CDK14: variants seen among roughly 807,000 people sequenced by gnomAD.
CDK14 encodes cyclin dependent kinase 14, also known as cyclin-dependent kinase 14.
Under a neutral mutation model 60.7 loss-of-function variants are expected in CDK14, and 34 were observed. The ratio of observed to expected loss-of-function variants is 0.56; its 90% CI spans 0.43 to 0.75. CDK14 has a LOEUF of 0.75. CDK14 is among the 30% of genes least tolerant of loss of function. The pLI is 0.00. For missense variants in CDK14, 482 were observed against 564.1 expected, an observed-to-expected ratio of 0.85 and a Z score of 1.47; for synonymous variants, 197 against 203.7, an observed-to-expected ratio of 0.97 and a Z score of 0.28.
intron 5 of CDK14, among the ~76,000 whole-genome samples, chr7:90,836,304 T>C (rs1790097257): frequency 6.6e-6 from 1 of 152,198 alleles, no homozygotes; most frequent in South Asian, 2.1e-4. Flanking sequence ...ACAAAAAATA[T>C]CTTTTTTCTT....
chr7:90,797,775 T>C (rs1377611374), intron 5 of CDK14, among the ~76,000 whole-genome samples: 2 of 151,816 alleles, frequency 1.3e-5, no homozygotes, highest in East Asian at 1.9e-4. Context: ...GGAGGTCCTA[T>C]ACACTCTTAA....
intron 8 of CDK14, among the ~76,000 whole-genome samples, chr7:90,951,841 G>A (rs1794272711): frequency 6.6e-6 from 1 of 152,112 alleles, no homozygotes; most frequent in African/African-American, 2.4e-5. Context: ...AGGACATCTA[G>A]CACCTATGCC....
At chr7:91,129,033 C>T in intron 14 of CDK14, among the ~76,000 whole-genome samples, 1 of 152,036 alleles carries the variant, frequency 6.6e-6, no homozygotes, top group Non-Finnish European at 1.5e-5. Context: ...CAGAGAAGGT[C>T]CCTGGATACT....
chr7:91,184,154 G>A lies in CDK14; in HGVS notation c.*29-23011G>A, dbSNP rs1010201217. Among the ~76,000 whole-genome samples the A allele has an allele frequency of 1.7e-4, 22 of 130,702 alleles. 1 individual carries two copies. Among genetic ancestry groups the A allele is most frequent in the Admixed American group, 7.3e-4 (8 of 10,984 alleles). The allele number at this position is 130,702 out of a possible 152,430, so 85.7% of individuals were successfully genotyped here. A position where few individuals can be genotyped will look rare whatever the true frequency, so the allele number is the denominator to read the frequency against. On this transcript the variant is annotated intron_variant, in intron 14 of 14. Transcript: ENST00000380050. ...CAGGTGGCAGAGGTTGCAGTGAGCC[G>A]AGATTGCACCACTGCACTCCAGCCT... is the stretch of plus-strand genomic sequence containing the variant.
At chr7:90,670,485 G>A (rs1801073947) in intron 2 of CDK14, among the ~76,000 whole-genome samples, 1 of 152,166 alleles carries the variant, frequency 6.6e-6, no homozygotes, top group Non-Finnish European at 1.5e-5. Flanking sequence ...ATGAGACTGA[G>A]TCATTTATAA....
At chr7:90,652,484 A>G (rs758244403) in intron 2 of CDK14, among the ~76,000 whole-genome samples, 3 of 152,192 alleles carry the variant, frequency 2.0e-5, no homozygotes, top group Non-Finnish European at 2.9e-5. Flanking sequence ...ACAGCTCTAT[A>G]TCAGGTAGGT....
intron 10 of CDK14, among the ~76,000 whole-genome samples, chr7:91,035,072 T>C (rs546454526): frequency 6.6e-5 from 10 of 152,084 alleles, no homozygotes; most frequent in Admixed American, 2.0e-4. Flanking sequence ...CTGTAGAAAG[T>C]GGGGAAGGAA....
rs114580067 is a variant in CDK14 at position 90,736,890 on chromosome 7, T to C, written c.369+10078T>C. 8.1e-3 allele frequency among the ~76,000 whole-genome samples: 1,227 copies of C among 152,298 alleles called. 24 individuals carry two copies. The highest frequency in any genetic ancestry group is 0.028 in the African/African-American group (1,178 of 41,574). Reference sequence around the variant, plus strand: ...TTGACTGAAATCAAGGAACCAAGAATGCCTTGACCTCAGTGGCCATCATGC... The same window carrying C: ...TTGACTGAAATCAAGGAACCAAGAACGCCTTGACCTCAGTGGCCATCATGC... On this transcript the variant is annotated intron_variant, in intron 3 of 14. Coordinates refer to ENST00000380050, the MANE Select transcript of CDK14 (RefSeq NM_001287135.2).
intron 2 of CDK14, among the ~76,000 whole-genome samples, chr7:90,618,526 AG>A (rs1799698850): frequency 6.6e-6 from 1 of 152,112 alleles, no homozygotes. Flanking sequence ...TGCTGGGTCC[AG>A]TGAATGAACT....
chr7:91,163,385 G>A (rs1346297695), intron 14 of CDK14, among the ~76,000 whole-genome samples: 1 of 152,236 alleles, frequency 6.6e-6, no homozygotes, highest in Non-Finnish European at 1.5e-5. Flanking sequence ...TGCAATGTAA[G>A]CGTTCCTAAC....
At chr7:90,977,630 T>C (rs970089280) in intron 9 of CDK14, among the ~76,000 whole-genome samples, 6 of 152,140 alleles carry the variant, frequency 3.9e-5, no homozygotes, top group Non-Finnish European at 5.9e-5. Flanking sequence ...CTCATGATGT[T>C]AACCTTTGTC....
At chr7:91,179,834 A>T (rs1209043722) in intron 14 of CDK14, among the ~76,000 whole-genome samples, 2 of 152,112 alleles carry the variant, frequency 1.3e-5, no homozygotes, top group Admixed American at 1.3e-4. Flanking sequence ...TATTTTTAAT[A>T]ATTATTTTCG....
At chr7:91,131,781 G>A (rs1800126099) in intron 14 of CDK14, among the ~76,000 whole-genome samples, 1 of 152,086 alleles carries the variant, frequency 6.6e-6, no homozygotes, top group Admixed American at 6.6e-5. Context: ...CTTCAGTATT[G>A]AAGTCACCTG....
chr7:91,154,190 G>A (rs1455911256), intron 14 of CDK14, among the ~76,000 whole-genome samples: 3 of 151,214 alleles, frequency 2.0e-5, no homozygotes, highest in Non-Finnish European at 4.4e-5. Flanking sequence ...AAACAGAATT[G>A]GGGTTATACT....
chr7:91,067,054 A>C (rs1213416244), intron 11 of CDK14, among the ~76,000 whole-genome samples: 1 of 152,204 alleles, frequency 6.6e-6, no homozygotes, highest in Admixed American at 6.5e-5. Context: ...GAGTAAACTT[A>C]AGTGAAGGAG....
intron 2 of CDK14, among the ~76,000 whole-genome samples, chr7:90,672,711 A>G (rs1354672373): frequency 1.3e-5 from 2 of 151,418 alleles, no homozygotes; most frequent in Non-Finnish European, 2.9e-5. Flanking sequence ...TTTTGTAGAG[A>G]TGGGGTCTCA....
chr7:91,077,967 A>C (rs1271612913), intron 11 of CDK14, among the ~76,000 whole-genome samples: 1 of 152,248 alleles, frequency 6.6e-6, no homozygotes, highest in African/African-American at 2.4e-5. Flanking sequence ...AGAATGTTTT[A>C]TCAAGTGTAG....
At chr7:91,174,163 A>G (rs1175198897) in intron 14 of CDK14, among the ~76,000 whole-genome samples, 1 of 152,058 alleles carries the variant, frequency 6.6e-6, no homozygotes, top group African/African-American at 2.4e-5. Flanking sequence ...ACCCCTGAGC[A>G]GCCTAACTGG....
At chr7:90,738,786 G>C (rs1456146785) in intron 3 of CDK14, among the ~76,000 whole-genome samples, 1 of 151,988 alleles carries the variant, frequency 6.6e-6, no homozygotes, top group Admixed American at 6.6e-5. Flanking sequence ...ACTACACCTT[G>C]GTTTGATCCA....
Sources: allele counts gnomAD v4.1 joint callset (sites outside exome capture counted in the v4.1 genomes callset), GRCh38; gene constraint gnomAD v4.1.1; transcripts MANE v1.5; gene names NCBI Gene and HGNC (gene_info 2026-07-23, HGNC 2026-07-21).